Variants in MAML2 observed in about 807,000 individuals in gnomAD.
MAML2 encodes the protein mastermind-like protein 2.
A neutral mutation model predicts 96.1 loss-of-function variants in MAML2; 22 were observed. That is an observed-to-expected ratio of 0.23 (90% CI 0.16 to 0.33). The LOEUF (loss-of-function observed/expected upper bound fraction) is 0.33, where lower values mean the gene tolerates loss of function less well. Ranked by LOEUF, MAML2 falls within the 10% of genes least tolerant of loss-of-function variation. The probability of loss-of-function intolerance (pLI) is 1.00; values close to 1 mark genes in which losing one functional copy is unlikely to be tolerated. For missense variants in MAML2, 1,367 were observed against 1,392.4 expected (o/e 0.98, Z 0.29); for synonymous variants, 561 against 521.3 (o/e 1.08, Z -1.04).
At chr11:96,055,927 A>G (rs1053162575) in intron 2 of MAML2, among the ~76,000 whole-genome samples, 1 of 152,238 alleles carries the variant, frequency 6.6e-6, no homozygotes, top group African/African-American at 2.4e-5. Flanking sequence ...AAGGTAAAAA[A>G]TGGCTCATTT....
intron 1 of MAML2, among the ~76,000 whole-genome samples, chr11:96,246,516 T>C (rs1862514453): frequency 6.6e-6 from 1 of 152,082 alleles, no homozygotes; most frequent in African/African-American, 2.4e-5. Flanking sequence ...ATCTACCTCC[T>C]CAACATATCC....
rs1859750948 is a variant in MAML2, at chr11:96,092,855, G to A, written c.1176C>T (p.Ser392=). 1 of 1,607,106 alleles carries A rather than the reference G, an allele frequency of 6.2e-7. No individual in the cohort carries two copies. Among genetic ancestry groups the A allele is most frequent in the African/African-American group, 1.3e-5 (1 of 74,858 alleles). ...LRPPSAGPAF[S]MANSALSTSS... The stretch of plus-strand genomic sequence containing the variant: ...AAGTGGAGAGGGCAGAGTTGGCCAT[G>A]GAGAATGCGGGGCCAGCTGATGGGG... The change falls in exon 2 of 5, where the codon TCC becomes TCT. Residue 392 remains serine, a synonymous_variant. Coordinates refer to ENST00000524717, the MANE Select transcript of MAML2 (RefSeq NM_032427.4). The surrounding 1 kb of genome is among the most constrained non-coding windows in gnomAD (Gnocchi z 4.1).
At chr11:96,214,330 G>C (rs1054578629) in intron 1 of MAML2, among the ~76,000 whole-genome samples, 1 of 152,184 alleles carries the variant, frequency 6.6e-6, no homozygotes, top group African/African-American at 2.4e-5. Flanking sequence ...ATCTTAGCAC[G>C]TCCTCTTAGA....
intron 1 of MAML2, among the ~76,000 whole-genome samples, chr11:96,142,439 G>A (rs574734025): frequency 6.6e-6 from 1 of 152,256 alleles, no homozygotes; most frequent in South Asian, 2.1e-4. Context: ...CACTTGCTAA[G>A]GGCTTATTCT....
chr11:96,244,157 T>C (rs1034864469), intron 1 of MAML2, among the ~76,000 whole-genome samples: 2 of 152,234 alleles, frequency 1.3e-5, no homozygotes, highest in African/African-American at 4.8e-5. Flanking sequence ...GTGTTCCAGA[T>C]GTTTTGAAAT....
intron 1 of MAML2, among the ~76,000 whole-genome samples, chr11:96,229,319 T>C (rs1221455076): frequency 6.6e-6 from 1 of 151,968 alleles, no homozygotes; most frequent in Non-Finnish European, 1.5e-5. Flanking sequence ...AACCATTTTC[T>C]AGAACAGCAA....
At chr11:96,282,173 C>T (rs537937355) in intron 1 of MAML2, among the ~76,000 whole-genome samples, 75 of 151,254 alleles carry the variant, frequency 5.0e-4, no homozygotes, top group African/African-American at 1.5e-3. Context: ...GGCGTGAACC[C>T]GGGAGACGGA....
In MAML2 at chr11:95,998,125, T is replaced by TGTCTGTCTGTCA. The variant is rs1554993530; in HGVS notation, c.2140-6403_2140-6402insTGACAGACAGAC. ...CCATTTATCCACTTTTCTATCTATCTGTCTGTCTGTCTGTCAGTCTGTCTG... is the reference window on the plus strand; with the variant it reads ...CCATTTATCCACTTTTCTATCTATCTGTCTGTCTGTCAGTCTGTCTGTCTGTCAGTCTGTCTG... On this transcript the variant is annotated intron_variant, in intron 2 of 4. Coordinates refer to ENST00000524717, the MANE Select transcript of MAML2 (RefSeq NM_032427.4). Among the ~76,000 whole-genome samples, 1,165 of 125,506 alleles carry TGTCTGTCTGTCA rather than the reference T, an allele frequency of 9.3e-3. 13 individuals carry two copies. Among genetic ancestry groups the TGTCTGTCTGTCA allele is most frequent in the African/African-American group, 0.031 (982 of 31,518 alleles). 82.3% of individuals were successfully genotyped at this position (125,506 alleles called of 152,430 possible).
At chr11:96,323,819 G>C (rs138225552) in intron 1 of MAML2, among the ~76,000 whole-genome samples, 1 of 152,196 alleles carries the variant, frequency 6.6e-6, no homozygotes, top group Non-Finnish European at 1.5e-5. Context: ...CCCATCATGC[G>C]TAGGTATGGC....
At chr11:95,991,248 A>T (rs763692987) in intron 3 of MAML2, among the ~76,000 whole-genome samples, 5 of 152,138 alleles carry the variant, frequency 3.3e-5, no homozygotes, top group Non-Finnish European at 5.9e-5. Context: ...GCCTGATTCA[A>T]ATGCCCATGT....
In MAML2 at chr11:96,139,319, T is replaced by C. The variant is rs577115403; in HGVS notation, c.514-45802A>G. 1.4e-3 allele frequency among the ~76,000 whole-genome samples: 209 copies of C among 151,908 alleles called. 3 individuals carry two copies. Among genetic ancestry groups the C allele is most frequent in the Non-Finnish European group, 1.3e-3 (88 of 67,930 alleles). On this transcript the variant is annotated intron_variant, in intron 1 of 4. Coordinates refer to ENST00000524717, the MANE Select transcript of MAML2 (RefSeq NM_032427.4). ...AGTGTAACCCTGTCTCTACTAAAAA[T>C]ACAAAAAATTAGCCGGGCGTGGTGG...
At position 96,082,029 on chromosome 11, in the gene MAML2, C is replaced by T. The variant is rs1859535751; in HGVS notation, c.2139+9863G>A. ...ATCGCATAACTTCTTTTCTTTCTTT[C>T]CTTTGTCCTGCCTTTTTTTCTTTGC... On this transcript the variant is annotated intron_variant, in intron 2 of 4. Coordinates refer to ENST00000524717, the MANE Select transcript of MAML2 (RefSeq NM_032427.4). 2.6e-5 allele frequency among the ~76,000 whole-genome samples: 4 copies of T among 152,134 alleles called. No homozygotes were observed. In the South Asian group the frequency reaches 8.3e-4, roughly 32 times the overall value.
At chr11:96,240,557 CAAAAAAAAAAAAAAAA>C (rs55659413) in intron 1 of MAML2, among the ~76,000 whole-genome samples, 1 of 51,090 alleles carries the variant, frequency 2.0e-5, no homozygotes, top group African/African-American at 6.1e-5. Flanking sequence ...GACTCCGTCT[CAAAAAAAAAAAAAAAA>C]AAAAAAAAAA....
intron 2 of MAML2, among the ~76,000 whole-genome samples, chr11:96,044,805 AAAAACT>A: frequency 6.6e-6 from 1 of 152,364 alleles, no homozygotes; most frequent in East Asian, 1.9e-4. Context: ...GTTGTTGACG[AAAAACT>A]AAGTCATTCA....
At chr11:96,196,245 C>T (rs1488647365) in intron 1 of MAML2, among the ~76,000 whole-genome samples, 1 of 152,102 alleles carries the variant, frequency 6.6e-6, no homozygotes, top group Non-Finnish European at 1.5e-5. Context: ...TGTTTCCTTG[C>T]AGTGATCAGG....
chr11:96,069,834 C>A (rs1185254726), intron 2 of MAML2, among the ~76,000 whole-genome samples: 1 of 151,944 alleles, frequency 6.6e-6, no homozygotes, highest in East Asian at 1.9e-4. Context: ...ACCATCCTGG[C>A]CAAGATGGTG....
Position 96,341,677 on chromosome 11 carries a change from G to A in MAML2, c.219C>T (p.Thr73=), listed in dbSNP as rs752999878. The A allele has an allele frequency of 6.9e-6, 11 of 1,593,220 alleles. No individual in the cohort carries two copies. In the South Asian group the frequency reaches 1.1e-4, roughly 17 times the overall value. Reference sequence around the variant, plus strand: ...GCTGTACAAGGCTCAGGAGCTGCAAGGTGCTTTCTCTTTCCCGGTCTGAGC... The same window carrying A: ...GCTGTACAAGGCTCAGGAGCTGCAAAGTGCTTTCTCTTTCCCGGTCTGAGC... ...AESSDRERES[T]LQLLSLVQHG... is the part of the protein sequence containing the mutation. Residue 73 remains threonine (T), a synonymous_variant, in exon 1 of 5, where the codon ACC becomes ACT. Transcript: ENST00000524717.
At chr11:96,256,436 C>T (rs2135970274) in intron 1 of MAML2, among the ~76,000 whole-genome samples, 1 of 152,314 alleles carries the variant, frequency 6.6e-6, no homozygotes, top group East Asian at 1.9e-4. Flanking sequence ...ACAGCCTTTG[C>T]TCTTCCCTCT....
intron 2 of MAML2, among the ~76,000 whole-genome samples, chr11:96,043,192 T>C (rs548110917): frequency 2.8e-4 from 42 of 152,360 alleles, no homozygotes; most frequent in African/African-American, 1.0e-3. Context: ...CAGCTAATAC[T>C]GATATCATTT....
Sources: gnomAD v4.1 joint callset for allele counts (sites outside exome capture counted in the v4.1 genomes callset) on GRCh38, gnomAD v4.1.1 for gene constraint, Gnocchi (gnomAD v3.1) non-coding constraint, MANE v1.5 for transcripts, NCBI Gene and HGNC (gene_info 2026-07-23, HGNC 2026-07-21) for gene names.